TMPRSS2: variants seen among roughly 807,000 people sequenced by gnomAD.
TMPRSS2 encodes transmembrane serine protease 2, also known as transmembrane protease serine 2.
TMPRSS2 carries 59 observed loss-of-function variants against 67.4 expected under a neutral mutation model. The ratio of observed to expected loss-of-function variants is 0.88; its 90% CI spans 0.71 to 1.09. The LOEUF (loss-of-function observed/expected upper bound fraction) is 1.09, where lower values mean the gene tolerates loss of function less well. TMPRSS2 is among the 50% of genes least tolerant of loss of function. TMPRSS2 has a pLI of 0.00. For missense variants in TMPRSS2, 668 were observed against 642.7 expected (o/e 1.04, Z -0.43); for synonymous variants, 257 against 257.0 (o/e 1.00, Z 0.00).
At chr21:41,479,311 T>G (rs777861918) in intron 6 of TMPRSS2, 29 bp from the exon 7 acceptor site, 1 of 1,540,438 alleles carries the variant, frequency 6.5e-7, no homozygotes, top group Admixed American at 1.7e-5. Flanking sequence ...TTTGTGATAA[T>G]GGTTAAGGCA....
Position 41,466,030 on chromosome 21 carries a change from A to G in TMPRSS2, c.*112T>C. 7.4e-7 allele frequency: 1 copy of G among 1,359,842 alleles called. No individual in the cohort carries two copies. Among genetic ancestry groups the G allele is most frequent in the Non-Finnish European group, 1.0e-6 (1 of 964,788 alleles). 84.2% of individuals were successfully genotyped at this position (1,359,842 alleles called of 1,614,324 possible). A position where few individuals can be genotyped will look rare whatever the true frequency, so the allele number is the denominator to read the frequency against. ...CAAAGCCAGACAAGTTCACTGTTTA[A>G]TAAAAATGAAGTGACCTCTGAATCA... is the stretch of plus-strand genomic sequence containing the variant. On this transcript the variant is annotated 3_prime_UTR_variant, in exon 14 of 14. Coordinates refer to ENST00000332149, the MANE Select transcript of TMPRSS2 (RefSeq NM_005656.4).
intron 6 of TMPRSS2, 101 bp from the exon 7 acceptor site, chr21:41,479,383 G>T: frequency 1.2e-6 from 1 of 856,082 alleles, no homozygotes; most frequent in Non-Finnish European, 1.8e-6. Flanking sequence ...AGAATAAGAG[G>T]GAAAAACCTT....
At chr21:41,491,516 A>G (rs2091336010) in intron 3 of TMPRSS2, among the ~76,000 whole-genome samples, 2 of 152,186 alleles carry the variant, frequency 1.3e-5, no homozygotes, top group South Asian at 4.1e-4. Flanking sequence ...GCCCAGGCAC[A>G]CGATGTTCTC....
At chr21:41,469,070 G>T (rs568346732) in intron 11 of TMPRSS2, among the ~76,000 whole-genome samples, 1 of 152,052 alleles carries the variant, frequency 6.6e-6, no homozygotes, top group South Asian at 2.1e-4. Flanking sequence ...GCATCTTCTG[G>T]GCACCGTGGG....
chr21:41,479,389 A>T, intron 6 of TMPRSS2, 107 bp from the exon 7 acceptor site: 1 of 819,444 alleles, frequency 1.2e-6, no homozygotes, highest in South Asian at 1.9e-5. Context: ...AGAGGGAAAA[A>T]CCTTAGCATT....
chr21:41,489,511 C>T lies in TMPRSS2; in HGVS notation c.321G>A (p.Lys107=). 1.2e-6 allele frequency: 2 copies of T among 1,614,036 alleles called. No homozygotes were observed. ...ATCGAGGCTCCCTGCACTTACTGAA[C>T]TTCCAGAGTAGGCCAGCGGCCAGCG... The part of the protein sequence containing the change: ...GAALAAGLLW[K]FMGSKCSNSG... The change falls in exon 4 of 14, where the codon AAG becomes AAA. Residue 107 remains lysine (K), a synonymous_variant. Transcript: ENST00000332149.
chr21:41,493,816 G>A (rs527305819), intron 3 of TMPRSS2, among the ~76,000 whole-genome samples: 8 of 152,336 alleles, frequency 5.3e-5, no homozygotes, highest in South Asian at 2.1e-4. Context: ...GTCCTCCCAC[G>A]CTCGCTCTGG....
Position 41,465,637 on chromosome 21 carries a change from C to A in TMPRSS2, c.*505G>T. ...GGTCCCTTTATTTCTGGCCACCATC[C>A]AGGGCTGCTAAGGCTCTAAGAACCC... On this transcript the variant is annotated 3_prime_UTR_variant, in exon 14 of 14. Coordinates refer to ENST00000332149, the MANE Select transcript of TMPRSS2 (RefSeq NM_005656.4). 1 of 238,672 alleles carries A rather than the reference C, an allele frequency of 4.2e-6. No homozygotes were observed. The highest frequency in any genetic ancestry group is 8.2e-6 in the Non-Finnish European group (1 of 122,040). 14.8% of individuals were successfully genotyped at this position (238,672 alleles called of 1,614,324 possible).
At chr21:41,494,977 G>A (rs940989982) in intron 2 of TMPRSS2, among the ~76,000 whole-genome samples, 1 of 151,864 alleles carries the variant, frequency 6.6e-6, no homozygotes, top group Non-Finnish European at 1.5e-5. Context: ...GCTGAGGCAG[G>A]AGAATGGCTT....
intron 8 of TMPRSS2, 112 bp from the exon 9 acceptor site, chr21:41,473,608 C>A: frequency 8.1e-7 from 1 of 1,233,784 alleles, no homozygotes; most frequent in Non-Finnish European, 1.1e-6. Context: ...GGCAGGGGCA[C>A]CACTGCTGGG....
intron 13 of TMPRSS2, among the ~76,000 whole-genome samples, chr21:41,466,524 C>T (rs2091085883): frequency 6.6e-6 from 1 of 152,226 alleles, no homozygotes; most frequent in African/African-American, 2.4e-5. Context: ...CGAGTCCGCC[C>T]CTCAGCCTGG....
intron 1 of TMPRSS2, chr21:41,502,595 T>A: frequency 1.0e-6 from 1 of 985,248 alleles, no homozygotes; most frequent in Non-Finnish European, 1.2e-6. Context: ...CGCACTAATA[T>A]CACATTATAC....
rs1348726885 is a variant in TMPRSS2, at chr21:41,495,917, A to G, written c.16-1339T>C. ...ATGGGCTATGTATTCTTTAAAATTAAAAAAAAAAAAAAGTGGCAGACATTG... is the reference window on the plus strand; with the variant it reads ...ATGGGCTATGTATTCTTTAAAATTAGAAAAAAAAAAAAGTGGCAGACATTG... On this transcript the variant is annotated intron_variant, in intron 2 of 13. Coordinates refer to ENST00000332149, the MANE Select transcript of TMPRSS2 (RefSeq NM_005656.4). Among the ~76,000 whole-genome samples, 6 of 112,460 alleles carry G rather than the reference A, an allele frequency of 5.3e-5. No homozygotes were observed. The East Asian group carries it at 1.8e-3, about 34-fold the overall frequency. 73.8% of individuals were successfully genotyped at this position (112,460 alleles called of 152,430 possible). A position where few individuals can be genotyped will look rare whatever the true frequency, so the allele number is the denominator to read the frequency against.
At chr21:41,494,199 G>T (rs1213115507) in intron 3 of TMPRSS2, among the ~76,000 whole-genome samples, 157 bp downstream of exon 3, 2 of 152,244 alleles carry the variant, frequency 1.3e-5, no homozygotes, top group African/African-American at 4.8e-5. Flanking sequence ...CAGGAAGAGA[G>T]TGGAAAGGCA....
chr21:41,464,832 C>T lies in TMPRSS2; in HGVS notation c.*1310G>A. 4.3e-6 allele frequency: 1 copy of T among 233,258 alleles called. No individual in the cohort carries two copies. The highest frequency in any genetic ancestry group is 8.5e-6 in the Non-Finnish European group (1 of 118,038). The allele number at this position is 233,258 out of a possible 1,614,324, so 14.4% of individuals were successfully genotyped here. ...CTGCAAATGGGATTGCATGACTTTCCATTTCAAGGTTAAGTCCTAGCTGTA... is the reference window on the plus strand; with the variant it reads ...CTGCAAATGGGATTGCATGACTTTCTATTTCAAGGTTAAGTCCTAGCTGTA... On this transcript the variant is annotated 3_prime_UTR_variant, in exon 14 of 14. Coordinates refer to ENST00000332149, the MANE Select transcript of TMPRSS2 (RefSeq NM_005656.4).
At chr21:41,466,350 C>T (rs1468194926) in intron 13 of TMPRSS2, among the ~76,000 whole-genome samples, 197 bp from the exon 14 acceptor site, 1 of 152,224 alleles carries the variant, frequency 6.6e-6, no homozygotes, top group Non-Finnish European at 1.5e-5. Context: ...CCGGAAGGAG[C>T]GGGCAGCGGA....
intron 1 of TMPRSS2, among the ~76,000 whole-genome samples, chr21:41,504,162 G>A (rs1041719294): frequency 1.3e-5 from 2 of 152,298 alleles, no homozygotes; most frequent in East Asian, 1.9e-4. Flanking sequence ...TGACAGCCCC[G>A]ATTTTTCCAC....
Position 41,473,387 on chromosome 21 carries a change from G to A in TMPRSS2, c.837C>T (p.His279=), listed in dbSNP as rs151338439. The change falls in exon 9 of 14, where the codon CAC becomes CAT. Residue 279 remains histidine (H), a synonymous_variant. Transcript: ENST00000332149. The part of the protein sequence containing the change: ...WQVSLHVQNV[H]VCGGSIITPE... ...GGGTGATGATGGAGCCTCCGCACAC[G>A]TGGACGTTCTGGACGTGCAGGCTGA... 6.5e-5 allele frequency: 104 copies of A among 1,610,266 alleles called. No homozygotes were observed. The highest frequency in any genetic ancestry group is 1.1e-4 in the South Asian group (10 of 90,600).
At position 41,498,101 on chromosome 21, in the gene TMPRSS2, T is replaced by C. The variant is rs753014970; in HGVS notation, c.15+18A>G. The C allele has an allele frequency of 1.2e-5, 19 of 1,576,598 alleles. No homozygotes were observed. The highest frequency in any genetic ancestry group is 8.4e-5 in the Admixed American group (5 of 59,192). ...GGGAACAAAGAAAAGGCCAGGAAGG[T>C]AATAATTAACCACTTACTGAGTTCA... On this transcript the variant is annotated intron_variant, in intron 2 of 13. Coordinates refer to ENST00000332149, the MANE Select transcript of TMPRSS2 (RefSeq NM_005656.4).
Sources: gnomAD v4.1 joint callset for allele counts (sites outside exome capture counted in the v4.1 genomes callset) on GRCh38, gnomAD v4.1.1 for gene constraint, MANE v1.5 for transcripts, NCBI Gene and HGNC (gene_info 2026-07-23, HGNC 2026-07-21) for gene names.